TMEM150C: variants seen among roughly 807,000 people sequenced by gnomAD.
The protein encoded by TMEM150C is tentonin 3.
Under a neutral mutation model 29.9 loss-of-function variants are expected in TMEM150C, and 10 were observed. The observed-to-expected ratio is 0.33, with a 90% confidence interval of 0.21 to 0.57. The LOEUF (loss-of-function observed/expected upper bound fraction) is 0.57. Among genes scored for constraint, TMEM150C ranks in the 20% least tolerant of loss-of-function variants. The pLI is 0.88. For missense variants in TMEM150C, 251 were observed against 303.6 expected, an observed-to-expected ratio of 0.83 and a Z score of 1.29; for synonymous variants, 101 against 112.5, an observed-to-expected ratio of 0.90 and a Z score of 0.64.
chr4:82,493,392 T>C (rs375087326), intron 6 of TMEM150C, among the ~76,000 whole-genome samples: 14 of 152,266 alleles, frequency 9.2e-5, no homozygotes, highest in East Asian at 5.8e-4. Context: ...TATAGTTACA[T>C]AGTTAAACTT....
intron 1 of TMEM150C, among the ~76,000 whole-genome samples, chr4:82,552,759 G>T (rs148878606): frequency 6.6e-6 from 1 of 152,190 alleles, no homozygotes; most frequent in South Asian, 2.1e-4. Flanking sequence ...CCATGGTTGA[G>T]AACCTCTGCC....
chr4:82,543,205 T>C (rs758789289), intron 1 of TMEM150C, among the ~76,000 whole-genome samples: 16 of 152,202 alleles, frequency 1.1e-4, no homozygotes, highest in Non-Finnish European at 1.8e-4. Context: ...TTCTACTTCC[T>C]CTTTAAGATC....
intron 1 of TMEM150C, among the ~76,000 whole-genome samples, chr4:82,548,907 T>C (rs1560499930): frequency 1.3e-5 from 2 of 152,188 alleles, no homozygotes; most frequent in African/African-American, 4.8e-5. Flanking sequence ...GCTTAGGGAA[T>C]CATGAGTAAG....
chr4:82,486,412 G>T (rs1030466973), intron 7 of TMEM150C, among the ~76,000 whole-genome samples: 1 of 146,724 alleles, frequency 6.8e-6, no homozygotes, highest in Non-Finnish European at 1.5e-5. Flanking sequence ...CGTTATATCT[G>T]CAGAAATAAT....
chr4:82,491,818 TGGA>T (rs1317513946), intron 6 of TMEM150C, among the ~76,000 whole-genome samples: 5 of 151,618 alleles, frequency 3.3e-5, no homozygotes, highest in Non-Finnish European at 7.4e-5. Flanking sequence ...TATTTACTGA[TGGA>T]GGACAGCCAA....
chr4:82,514,055 G>T (rs1042280334), intron 1 of TMEM150C, among the ~76,000 whole-genome samples: 2 of 152,226 alleles, frequency 1.3e-5, no homozygotes, highest in African/African-American at 4.8e-5. Flanking sequence ...CCAAGGCGGG[G>T]GATAACCCCA....
intron 1 of TMEM150C, among the ~76,000 whole-genome samples, chr4:82,553,511 G>C (rs994705140): frequency 1.3e-5 from 2 of 152,122 alleles, no homozygotes; most frequent in East Asian, 3.9e-4. Context: ...AATAAATTGC[G>C]TGCCTTCCAA....
chr4:82,562,134 G>A (rs1426975075), upstream of TMEM150C: 40 of 1,265,882 alleles, frequency 3.2e-5, no homozygotes, highest in Non-Finnish European at 4.0e-5. Context: ...TCGGGCTTCT[G>A]CCACCCCCCC....
In TMEM150C at chr4:82,555,963, C is replaced by T. The variant is rs539725870; in HGVS notation, c.-11+5943G>A. Among the ~76,000 whole-genome samples, 4 of 152,322 alleles carry T rather than the reference C, an allele frequency of 2.6e-5. No individual in the cohort carries two copies. In the East Asian group the frequency reaches 7.7e-4, roughly 29 times the overall value. The stretch of plus-strand genomic sequence containing the variant: ...ATATTTTACATCATGAACCGGTATA[C>T]ACATATACACTTATGTAACAATAAT... On this transcript the variant is annotated intron_variant, in intron 1 of 7. Coordinates refer to ENST00000449862, the MANE Select transcript of TMEM150C (RefSeq NM_001080506.3).
intron 1 of TMEM150C, 117 bp downstream of exon 1, chr4:82,561,789 A>T: frequency 1.3e-6 from 1 of 773,720 alleles, no homozygotes; most frequent in Non-Finnish European, 1.6e-6. Context: ...CAGCCGCCCC[A>T]GCCGCGCTGC....
intron 1 of TMEM150C, among the ~76,000 whole-genome samples, chr4:82,544,138 A>C (rs1170972646): frequency 6.6e-6 from 1 of 152,188 alleles, no homozygotes; most frequent in African/African-American, 2.4e-5. Context: ...TCACCTACTA[A>C]GGTGCTTAAA....
chr4:82,508,524 G>C (rs1267771030), intron 1 of TMEM150C, among the ~76,000 whole-genome samples: 1 of 151,786 alleles, frequency 6.6e-6, no homozygotes, highest in Non-Finnish European at 1.5e-5. Flanking sequence ...GGAATGTAGG[G>C]GTGCAATCTC....
intron 1 of TMEM150C, among the ~76,000 whole-genome samples, chr4:82,521,708 G>A (rs150406524): frequency 2.6e-5 from 4 of 152,298 alleles, no homozygotes; most frequent in Non-Finnish European, 5.9e-5. Context: ...GAGAAGACTC[G>A]GTGATGCAGA....
In TMEM150C at chr4:82,504,662, G is replaced by T; in HGVS notation, c.-5C>A. 6.2e-7 allele frequency: 1 copy of T among 1,610,838 alleles called. No individual in the cohort carries two copies. Among genetic ancestry groups the T allele is most frequent in the Non-Finnish European group, 8.5e-7 (1 of 1,177,384 alleles). On this transcript the variant is annotated 5_prime_UTR_variant, in exon 2 of 8. Transcript: ENST00000449862. Reference sequence around the variant, plus strand: ...GCTGCATTTCTTCCCATCCATGCCTGTACCACTGAAATAAAATAAACACGT... The same window carrying T: ...GCTGCATTTCTTCCCATCCATGCCTTTACCACTGAAATAAAATAAACACGT...
At chr4:82,531,520 CAAG>C (rs1312044452) in intron 1 of TMEM150C, among the ~76,000 whole-genome samples, 1 of 152,032 alleles carries the variant, frequency 6.6e-6, no homozygotes, top group African/African-American at 2.4e-5. Flanking sequence ...ACTGGGAGGC[CAAG>C]GTGGGTGGAT....
chr4:82,513,942 GC>G (rs1234827605), intron 1 of TMEM150C, among the ~76,000 whole-genome samples: 1 of 152,236 alleles, frequency 6.6e-6, no homozygotes, highest in African/African-American at 2.4e-5. Context: ...TACCTGAACT[GC>G]ATTAGCAAAG....
At chr4:82,552,402 A>G (rs1725609314) in intron 1 of TMEM150C, among the ~76,000 whole-genome samples, 1 of 152,190 alleles carries the variant, frequency 6.6e-6, no homozygotes, top group African/African-American at 2.4e-5. Context: ...CTTTGGCCCT[A>G]CTGAGCAAAT....
chr4:82,551,907 A>G (rs996764098), intron 1 of TMEM150C, among the ~76,000 whole-genome samples: 4 of 152,140 alleles, frequency 2.6e-5, no homozygotes, highest in Admixed American at 6.5e-5. Context: ...TTGATACCCA[A>G]TGTTAGCGGT....
chr4:82,549,141 AAT>A (rs10544041), intron 1 of TMEM150C, among the ~76,000 whole-genome samples: 53,217 of 151,844 alleles, frequency 0.35, 13,655 homozygotes, highest in African/African-American at 0.73. Context: ...CTTTTGCACA[AAT>A]ATATATATAT....
Sources: allele counts gnomAD v4.1 joint callset (sites outside exome capture counted in the v4.1 genomes callset), GRCh38; gene constraint gnomAD v4.1.1; transcripts MANE v1.5; gene names NCBI Gene and HGNC (gene_info 2026-07-23, HGNC 2026-07-21).